The following PLSCR2 variants were observed in gnomAD, a reference collection of about 807,000 sequenced individuals.
PLSCR2 encodes the protein phospholipid scramblase 2.
In PLSCR2, 18 loss-of-function variants were observed where a neutral mutation model predicts 25.3. That is an observed-to-expected ratio of 0.71 (90% CI 0.49 to 1.06). PLSCR2 has a LOEUF of 1.06. Ranked by LOEUF, PLSCR2 falls within the 50% of genes least tolerant of loss-of-function variation. The pLI, the probability that PLSCR2 is intolerant of heterozygous loss-of-function variation, is 0.00. For missense variants in PLSCR2, 243 were observed against 269.5 expected (o/e 0.90, Z 0.69); for synonymous variants, 88 against 87.3 (o/e 1.01, Z -0.04).
At chr3:146,431,280 T>C (rs2039535460), downstream of PLSCR2, among the ~76,000 whole-genome samples, 1 of 152,240 alleles carries the variant, frequency 6.6e-6, no homozygotes, top group Admixed American at 6.5e-5. Context: ...TTTTTTATTC[T>C]AGTATGTTTC....
intron 2 of PLSCR2, among the ~76,000 whole-genome samples, chr3:146,420,432 T>C (rs1416503520): frequency 6.6e-6 from 1 of 152,100 alleles, no homozygotes; most frequent in East Asian, 1.9e-4. Flanking sequence ...TGTAATATTG[T>C]ATATATAGTT....
intron 8 of PLSCR2, among the ~76,000 whole-genome samples, chr3:146,435,135 T>C (rs1160370114): frequency 1.3e-5 from 2 of 152,144 alleles, no homozygotes; most frequent in Non-Finnish European, 2.9e-5. Flanking sequence ...TATTCCATGG[T>C]GTATATGTGC....
At chr3:146,431,858 A>G (rs1576609439), downstream of PLSCR2, among the ~76,000 whole-genome samples, 1 of 121,922 alleles carries the variant, frequency 8.2e-6, no homozygotes, top group African/African-American at 2.7e-5. Flanking sequence ...CAAGCTCATC[A>G]AGCATTAAAA....
chr3:146,425,793 AGGGGT>A (rs774781274), intron 2 of PLSCR2, among the ~76,000 whole-genome samples: 7 of 152,172 alleles, frequency 4.6e-5, no homozygotes, highest in Non-Finnish European at 1.0e-4. Context: ...AAGGCACTGA[AGGGGT>A]GTGGGCTCAG....
chr3:146,453,119 G>C (rs561982699), intron 5 of PLSCR2, among the ~76,000 whole-genome samples: 1 of 152,106 alleles, frequency 6.6e-6, no homozygotes, highest in African/African-American at 2.4e-5. Flanking sequence ...AATTCTAATA[G>C]AGAAATTAAA....
At chr3:146,432,559 T>A (rs986091978), downstream of PLSCR2, among the ~76,000 whole-genome samples, 4 of 152,110 alleles carry the variant, frequency 2.6e-5, no homozygotes, top group African/African-American at 9.7e-5. Flanking sequence ...AAGGAAAAAA[T>A]TCCTGCAGTG....
chr3:146,415,730 G>A (rs1559977539), intron 2 of PLSCR2, among the ~76,000 whole-genome samples: 1 of 151,930 alleles, frequency 6.6e-6, no homozygotes, highest in Non-Finnish European at 1.5e-5. Flanking sequence ...AATATCACAG[G>A]AAATTAAATC....
chr3:146,410,970 G>A (rs996781026), intron 2 of PLSCR2, among the ~76,000 whole-genome samples: 2 of 152,094 alleles, frequency 1.3e-5, no homozygotes, highest in Admixed American at 6.5e-5. Flanking sequence ...TGCAGGTGAC[G>A]GCCCATTCGA....
chr3:146,438,495 T>C (rs919072932), downstream of PLSCR2, among the ~76,000 whole-genome samples: 3 of 152,248 alleles, frequency 2.0e-5, no homozygotes, highest in Non-Finnish European at 4.4e-5. Flanking sequence ...TAGTTAGCTC[T>C]TCTTGTTGAA....
intron 2 of PLSCR2, among the ~76,000 whole-genome samples, chr3:146,414,784 T>C (rs1001748939): frequency 2.0e-5 from 3 of 152,224 alleles, no homozygotes. Context: ...TAACAAAATT[T>C]CTGAAGAATC....
downstream of PLSCR2, among the ~76,000 whole-genome samples, chr3:146,436,982 G>T (rs112110180): frequency 0.26 from 39,227 of 152,048 alleles, 5,371 homozygotes; most frequent in South Asian, 0.44. Flanking sequence ...TTTTTAGCAT[G>T]AAGCACTGTT....
At chr3:146,494,187 G>A (rs1320591917) in intron 1 of PLSCR2, among the ~76,000 whole-genome samples, 1 of 151,976 alleles carries the variant, frequency 6.6e-6, no homozygotes, top group African/African-American at 2.4e-5. Context: ...TGCTTTCTTT[G>A]AGGCACAGAT....
intron 2 of PLSCR2, among the ~76,000 whole-genome samples, chr3:146,423,282 T>TCTCTCTC (rs758576585): frequency 9.9e-6 from 1 of 100,960 alleles, no homozygotes; most frequent in Non-Finnish European, 2.0e-5. Context: ...TCTCTCTCTC[T>TCTCTCTC]CCCTGGCTAG....
At chr3:146,399,021 C>G (rs940040154) in intron 2 of PLSCR2, among the ~76,000 whole-genome samples, 1 of 151,812 alleles carries the variant, frequency 6.6e-6, no homozygotes, top group Non-Finnish European at 1.5e-5. Flanking sequence ...GCCCCCTGAG[C>G]TAAGACCTGA....
At chr3:146,486,388 T>A (rs956625627) in intron 1 of PLSCR2, among the ~76,000 whole-genome samples, 1 of 151,284 alleles carries the variant, frequency 6.6e-6, no homozygotes, top group Non-Finnish European at 1.5e-5. Flanking sequence ...GGAGCTTTTT[T>A]TTTTTGAAAA....
chr3:146,411,855 TTAAGAC>T (rs1439681661), intron 2 of PLSCR2, among the ~76,000 whole-genome samples: 2 of 152,122 alleles, frequency 1.3e-5, no homozygotes, highest in Non-Finnish European at 2.9e-5. Flanking sequence ...TGCAGGGACT[TTAAGAC>T]TATTACAAGG....
rs34986699 is a variant in PLSCR2 at position 146,493,783 on chromosome 3, G to GTTT, written c.-293+2109_-293+2111dup. On this transcript the variant is annotated intron_variant, in intron 1 of 8. Transcript: ENST00000336685. ...TTTCTGTTTTTCAGTCCAAGGTGGC[G>GTTT]TTTTTTTTTTTTTTTTTTTTTTTTG... 7.8e-3 allele frequency among the ~76,000 whole-genome samples: 428 copies of GTTT among 54,794 alleles called. 13 individuals are homozygous for GTTT. The highest frequency in any genetic ancestry group is 9.6e-3 in the Non-Finnish European group (300 of 31,346). The allele number at this position is 54,794 out of a possible 152,430, so 35.9% of individuals were successfully genotyped here.
exon 6 of PLSCR2, chr3:146,449,217 A>C (rs79849867): frequency 6.2e-7 from 1 of 1,611,910 alleles, no homozygotes; most frequent in Non-Finnish European, 8.5e-7. Context: ...ATGAGGAAAC[A>C]GGCACCAATC....
chr3:146,447,401 AG>A (rs1430904868), intron 6 of PLSCR2, among the ~76,000 whole-genome samples: 11 of 152,268 alleles, frequency 7.2e-5, no homozygotes, highest in African/African-American at 9.6e-5. Context: ...AGGGCTCTTT[AG>A]TCAGCAGGTG....
Sources: gnomAD v4.1 joint callset for allele counts (sites outside exome capture counted in the v4.1 genomes callset) on GRCh38, gnomAD v4.1.1 for gene constraint, MANE v1.5 for transcripts, NCBI Gene and HGNC (gene_info 2026-07-23, HGNC 2026-07-21) for gene names.